OCLN: variants seen among roughly 807,000 people sequenced by gnomAD.
OCLN encodes phosphatase 1, regulatory subunit 115.
Under a neutral mutation model 47.9 loss-of-function variants are expected in OCLN, and 21 were observed. That is an observed-to-expected ratio of 0.44 (90% confidence interval 0.31 to 0.63). The LOEUF is 0.63. Among genes scored for constraint, OCLN ranks in the 30% least tolerant of loss-of-function variants. The pLI, the probability that OCLN is intolerant of heterozygous loss-of-function variation, is 0.08. For missense variants in OCLN, 360 were observed against 571.0 expected (o/e 0.63, Z 3.77); for synonymous variants, 117 against 198.4 (o/e 0.59, Z 3.45).
At chr5:69,530,405 T>C (rs1303129125) in intron 4 of OCLN, among the ~76,000 whole-genome samples, 1 of 152,158 alleles carries the variant, frequency 6.6e-6, no homozygotes, top group Admixed American at 6.5e-5. Flanking sequence ...ACTTTCCTAC[T>C]GTCCTTCAAA....
chr5:69,533,580 T>C (rs532133970), intron 4 of OCLN, among the ~76,000 whole-genome samples: 6 of 152,292 alleles, frequency 3.9e-5, no homozygotes, highest in Admixed American at 3.9e-4. Context: ...TTAATGCCTC[T>C]CCGGGCCTGA....
At chr5:69,507,026 T>A (rs1038534648) in intron 2 of OCLN, among the ~76,000 whole-genome samples, 1 of 152,272 alleles carries the variant, frequency 6.6e-6, no homozygotes, top group Non-Finnish European at 1.5e-5. Context: ...AGTCCTTCCC[T>A]GTGTCCTCTC....
chr5:69,536,474 C>T (rs1384059996), intron 5 of OCLN, among the ~76,000 whole-genome samples: 4 of 129,658 alleles, frequency 3.1e-5, no homozygotes, highest in Admixed American at 8.2e-5. Flanking sequence ...AGTTCGAGAC[C>T]AGCCTGGCCA....
intron 3 of OCLN, among the ~76,000 whole-genome samples, chr5:69,512,813 C>T (rs1362107357): frequency 6.6e-6 from 1 of 152,176 alleles, no homozygotes; most frequent in Admixed American, 6.6e-5. Flanking sequence ...GAGAAACCTA[C>T]TTTAGTAACC....
chr5:69,517,586 T>C (rs1769011980), intron 4 of OCLN, among the ~76,000 whole-genome samples: 1 of 152,180 alleles, frequency 6.6e-6, no homozygotes, highest in Non-Finnish European at 1.5e-5. Flanking sequence ...GTGCTGGGAT[T>C]ATAGGCAAGA....
intron 4 of OCLN, among the ~76,000 whole-genome samples, chr5:69,533,026 T>TAC (rs1224177769): frequency 6.2e-4 from 92 of 148,938 alleles, no homozygotes; most frequent in Non-Finnish European, 6.5e-4. Flanking sequence ...TGTGTGTGTA[T>TAC]ACACACACAC....
chr5:69,494,875 C>T lies in OCLN; in HGVS notation c.-69+1975C>T, dbSNP rs529569688. Among the ~76,000 whole-genome samples the T allele has an allele frequency of 2.4e-4, 37 of 152,298 alleles. No individual in the cohort carries two copies. In the South Asian group the frequency reaches 7.7e-3, roughly 32 times the overall value. On this transcript the variant is annotated intron_variant, in intron 1 of 8. Coordinates refer to ENST00000396442, the MANE Select transcript of OCLN (RefSeq NM_001205254.2). ...AGGTGGGCTTGCTTGCAAACTGCTT[C>T]AGCTAATATGGGAAGGAGTATCAGA...
At chr5:69,496,319 C>T (rs1768288465) in intron 1 of OCLN, among the ~76,000 whole-genome samples, 1 of 151,834 alleles carries the variant, frequency 6.6e-6, no homozygotes, top group African/African-American at 2.4e-5. Flanking sequence ...GGGATGGTCT[C>T]GATCTCCTGA....
intron 5 of OCLN, among the ~76,000 whole-genome samples, chr5:69,535,812 G>A (rs1339565769): frequency 6.6e-6 from 1 of 151,842 alleles, no homozygotes; most frequent in African/African-American, 2.4e-5. Flanking sequence ...AAAAGGTACA[G>A]TAAATATAAA....
chr5:69,524,887 A>G (rs1053668240), intron 4 of OCLN, among the ~76,000 whole-genome samples: 4 of 152,140 alleles, frequency 2.6e-5, no homozygotes, highest in African/African-American at 9.6e-5. Flanking sequence ...GGGTTTTGCC[A>G]TGTTGGCCAG....
At chr5:69,547,569 C>CAA (rs5868582) in intron 6 of OCLN, among the ~76,000 whole-genome samples, 44 of 74,550 alleles carry the variant, frequency 5.9e-4, no homozygotes, top group African/African-American at 1.2e-3. Context: ...GGCTTTGTCT[C>CAA]AAAAAAAAAA....
intron 4 of OCLN, among the ~76,000 whole-genome samples, chr5:69,530,171 T>G (rs1452197538): frequency 6.6e-6 from 1 of 152,144 alleles, no homozygotes; most frequent in African/African-American, 2.4e-5. Context: ...AGGCCTCATC[T>G]CTTAAGAAAA....
At chr5:69,508,574 C>G (rs558942228) in intron 2 of OCLN, among the ~76,000 whole-genome samples, 1 of 152,274 alleles carries the variant, frequency 6.6e-6, no homozygotes, top group East Asian at 1.9e-4. Context: ...CCCCTGACCT[C>G]AAGTGATCCA....
intron 4 of OCLN, among the ~76,000 whole-genome samples, chr5:69,529,631 A>T (rs1769375642): frequency 6.6e-6 from 1 of 151,726 alleles, no homozygotes; most frequent in African/African-American, 2.4e-5. Flanking sequence ...TTTTTTTGAG[A>T]TGGAATCTGT....
At chr5:69,532,706 G>A (rs150895774) in intron 4 of OCLN, among the ~76,000 whole-genome samples, 28 of 152,140 alleles carry the variant, frequency 1.8e-4, no homozygotes, top group African/African-American at 6.3e-4. Flanking sequence ...GGTGGCTCAC[G>A]CCTGTAATCC....
chr5:69,521,910 C>G (rs986150699), intron 4 of OCLN, among the ~76,000 whole-genome samples: 1 of 152,182 alleles, frequency 6.6e-6, no homozygotes, highest in Non-Finnish European at 1.5e-5. Flanking sequence ...TCTTTCCTGA[C>G]TAGAGTTTTT....
At chr5:69,528,795 C>T (rs1263881469) in intron 4 of OCLN, among the ~76,000 whole-genome samples, 1 of 152,184 alleles carries the variant, frequency 6.6e-6, no homozygotes, top group African/African-American at 2.4e-5. Context: ...TTGCCTGGCA[C>T]ATGCTGAATA....
At position 69,513,289 on chromosome 5, in the gene OCLN, G is replaced by A. The variant is rs539046649; in HGVS notation, c.730-659G>A. On this transcript the variant is annotated intron_variant, in intron 3 of 8. Coordinates refer to ENST00000396442, the MANE Select transcript of OCLN (RefSeq NM_001205254.2). ...ACCACTGGGAGAACTGTTAAGAGTAGGAAGTTTCTTTGTTACAGGGCCCTT... is the reference window on the plus strand; with the variant it reads ...ACCACTGGGAGAACTGTTAAGAGTAAGAAGTTTCTTTGTTACAGGGCCCTT... Among the ~76,000 whole-genome samples the A allele has an allele frequency of 5.9e-5, 9 of 152,278 alleles. No individual in the cohort carries two copies. The South Asian group carries it at 1.5e-3, about 25-fold the overall frequency.
At chr5:69,504,763 C>T (rs911565718) in intron 2 of OCLN, among the ~76,000 whole-genome samples, 1 of 151,850 alleles carries the variant, frequency 6.6e-6, no homozygotes. Context: ...GGTGAACTCC[C>T]GTCTCTACTA....
Sources: gnomAD v4.1 joint callset for allele counts (sites outside exome capture counted in the v4.1 genomes callset) on GRCh38, gnomAD v4.1.1 for gene constraint, MANE v1.5 for transcripts, NCBI Gene and HGNC (gene_info 2026-07-23, HGNC 2026-07-21) for gene names.